Variants in ROR1 observed in about 807,000 individuals in gnomAD.
ROR1 encodes the protein inactive tyrosine-protein kinase transmembrane receptor ROR1.
A neutral mutation model predicts 78.8 loss-of-function variants in ROR1; 19 were observed. The ratio of observed to expected loss-of-function variants is 0.24; its 90% CI spans 0.17 to 0.35. The LOEUF is 0.35. Among genes scored for constraint, ROR1 ranks in the 10% least tolerant of loss-of-function variants. ROR1 has a pLI of 1.00. For synonymous variants in ROR1, 386 were observed against 433.6 expected (o/e 0.89, Z 1.36); for missense variants, 917 against 1,177.8 (o/e 0.78, Z 3.24).
At chr1:63,864,653 G>C (rs1453082283) in intron 1 of ROR1, among the ~76,000 whole-genome samples, 1 of 152,110 alleles carries the variant, frequency 6.6e-6, no homozygotes, top group Non-Finnish European at 1.5e-5. Context: ...TTAGGATATA[G>C]CTCCCCATTG....
chr1:63,863,467 C>T (rs975970532), intron 1 of ROR1, among the ~76,000 whole-genome samples: 4 of 152,146 alleles, frequency 2.6e-5, no homozygotes, highest in Admixed American at 2.0e-4. Context: ...CCCAGCTGCA[C>T]ATTGAGGTCC....
intron 8 of ROR1, among the ~76,000 whole-genome samples, chr1:64,169,195 G>C (rs1003977512): frequency 6.6e-6 from 1 of 152,210 alleles, no homozygotes; most frequent in South Asian, 2.1e-4. Context: ...AATTTTAGTA[G>C]GGCCAGGGTC....
At chr1:63,883,519 C>T (rs1645337116) in intron 1 of ROR1, among the ~76,000 whole-genome samples, 1 of 152,164 alleles carries the variant, frequency 6.6e-6, no homozygotes, top group Non-Finnish European at 1.5e-5. Context: ...ATAAAAATAC[C>T]TATAACCTGG....
chr1:63,783,996 G>A (rs1644669126), intron 1 of ROR1, among the ~76,000 whole-genome samples: 1 of 151,824 alleles, frequency 6.6e-6, no homozygotes, highest in Admixed American at 6.6e-5. Context: ...TAAGGCCTGA[G>A]TTTTGTTCCT....
At chr1:63,975,379 A>G (rs1288794968) in intron 1 of ROR1, among the ~76,000 whole-genome samples, 2 of 152,146 alleles carry the variant, frequency 1.3e-5, no homozygotes, top group Admixed American at 6.5e-5. Flanking sequence ...AGTTATGTCT[A>G]TTTCTTTCTG....
At chr1:63,807,357 C>T (rs2100264436) in intron 1 of ROR1, among the ~76,000 whole-genome samples, 1 of 152,296 alleles carries the variant, frequency 6.6e-6, no homozygotes, top group South Asian at 2.1e-4. Context: ...CCAGGATTAC[C>T]TAGGACAGTT....
chr1:63,825,084 G>A (rs1243064733), intron 1 of ROR1, among the ~76,000 whole-genome samples: 1 of 152,068 alleles, frequency 6.6e-6, no homozygotes, highest in Non-Finnish European at 1.5e-5. Flanking sequence ...TTTCTGGTAG[G>A]AATCTAAAAT....
chr1:64,028,337 A>C lies in ROR1; in HGVS notation c.163+18961A>C, dbSNP rs1045989897. Among the ~76,000 whole-genome samples the C allele has an allele frequency of 2.0e-5, 3 of 152,166 alleles. No homozygotes were observed. In the East Asian group the frequency reaches 5.8e-4, roughly 29 times the overall value. On this transcript the variant is annotated intron_variant, in intron 2 of 8. Coordinates refer to ENST00000371079, the MANE Select transcript of ROR1 (RefSeq NM_005012.4). ...AAGAAACAGATCAAATGAATTGGGC[A>C]CATAATAGGTTTGGGGAAGTTTGGG...
intron 1 of ROR1, among the ~76,000 whole-genome samples, chr1:63,863,793 ATTGTATTGTAT>A (rs762676301): frequency 0.031 from 4,425 of 141,560 alleles, 199 homozygotes; most frequent in African/African-American, 0.084. Flanking sequence ...ATTGTATTGT[ATTGTATTGTAT>A]CATAGATGGC....
intron 1 of ROR1, among the ~76,000 whole-genome samples, chr1:64,003,358 A>G (rs12083589): frequency 0.043 from 6,506 of 152,230 alleles, 492 homozygotes; most frequent in African/African-American, 0.15. Context: ...GTGATTTCGT[A>G]CTGCAATATA....
At chr1:64,138,334 T>A (rs1034179745) in intron 5 of ROR1, among the ~76,000 whole-genome samples, 1 of 152,176 alleles carries the variant, frequency 6.6e-6, no homozygotes, top group Non-Finnish European at 1.5e-5. Context: ...AACGAATAAT[T>A]TTTTAGTATA....
At chr1:63,887,195 C>G (rs768315630) in intron 1 of ROR1, among the ~76,000 whole-genome samples, 2 of 141,192 alleles carry the variant, frequency 1.4e-5, no homozygotes, top group Non-Finnish European at 3.1e-5. Flanking sequence ...CTTTGCCCTA[C>G]TATTTCCTGT....
At chr1:63,844,393 C>T (rs1040703658) in intron 1 of ROR1, among the ~76,000 whole-genome samples, 8 of 152,188 alleles carry the variant, frequency 5.3e-5, no homozygotes, top group Non-Finnish European at 1.2e-4. Flanking sequence ...TTGGATGCTC[C>T]ATGCATGTGT....
chr1:64,127,285 C>CTAA (rs781301107), intron 4 of ROR1, among the ~76,000 whole-genome samples: 2 of 152,274 alleles, frequency 1.3e-5, no homozygotes, highest in Non-Finnish European at 2.9e-5. Flanking sequence ...GGAGCAAGAC[C>CTAA]TAAGCTTTTG....
At chr1:63,802,098 G>A (rs917754130) in intron 1 of ROR1, among the ~76,000 whole-genome samples, 1 of 152,044 alleles carries the variant, frequency 6.6e-6, no homozygotes, top group African/African-American at 2.4e-5. Context: ...CAAAGAATTG[G>A]GCTTAATTTT....
chr1:63,959,803 G>T (rs1366672323), intron 1 of ROR1, among the ~76,000 whole-genome samples: 1 of 152,072 alleles, frequency 6.6e-6, no homozygotes, highest in Non-Finnish European at 1.5e-5. Flanking sequence ...CCCTCCAGCT[G>T]TGCCAAATCC....
At chr1:64,090,630 T>C (rs1312178900) in intron 4 of ROR1, among the ~76,000 whole-genome samples, 1 of 152,160 alleles carries the variant, frequency 6.6e-6, no homozygotes, top group African/African-American at 2.4e-5. Context: ...CAGACTAGAA[T>C]CTGGATTTTG....
intron 4 of ROR1, among the ~76,000 whole-genome samples, chr1:64,109,343 C>T (rs547408732): frequency 4.6e-5 from 7 of 152,266 alleles, no homozygotes; most frequent in African/African-American, 1.7e-4. Flanking sequence ...GCTGCTGTAG[C>T]TGGAATTATA....
Position 63,863,459 on chromosome 1 carries a change from C to T in ROR1, c.91+88951C>T, listed in dbSNP as rs1186886455. On this transcript the variant is annotated intron_variant, in intron 1 of 8. Transcript: ENST00000371079. Reference sequence around the variant, plus strand: ...TGCCTGTCTTTGGGCTCAGGTTTCCCAGCTGCACATTGAGGTCCTGGACTA... The same window carrying T: ...TGCCTGTCTTTGGGCTCAGGTTTCCTAGCTGCACATTGAGGTCCTGGACTA... Among the ~76,000 whole-genome samples the T allele has an allele frequency of 2.6e-5, 4 of 152,150 alleles. No homozygotes were observed. The East Asian group carries it at 7.7e-4, about 29-fold the overall frequency.
Sources: gnomAD v4.1 joint callset for allele counts (sites outside exome capture counted in the v4.1 genomes callset) on GRCh38, gnomAD v4.1.1 for gene constraint, MANE v1.5 for transcripts, NCBI Gene and HGNC (gene_info 2026-07-23, HGNC 2026-07-21) for gene names.